ESR1: variants seen among roughly 807,000 people sequenced by gnomAD.
ESR1 encodes estrogen receptor.
In ESR1, 12 loss-of-function variants were observed where a neutral mutation model predicts 52.7. The observed-to-expected ratio is 0.23, with a 90% CI of 0.15 to 0.37. The LOEUF (loss-of-function observed/expected upper bound fraction) is 0.37. Among genes scored for constraint, ESR1 ranks in the 10% least tolerant of loss-of-function variants. ESR1 has a pLI of 1.00. For missense variants in ESR1, 584 were observed against 779.7 expected, an observed-to-expected ratio of 0.75 and a Z score of 2.99; for synonymous variants, 305 against 316.8, an observed-to-expected ratio of 0.96 and a Z score of 0.39.
At chr6:151,752,827 A>G (rs1166937392) in intron 2 of ESR1, among the ~76,000 whole-genome samples, 1 of 152,152 alleles carries the variant, frequency 6.6e-6, no homozygotes, top group Non-Finnish European at 1.5e-5. Flanking sequence ...TCTCTTTTAG[A>G]GGATATTGTA....
At chr6:151,990,640 T>C (rs2040919766) in intron 4 of ESR1, among the ~76,000 whole-genome samples, 1 of 152,168 alleles carries the variant, frequency 6.6e-6, no homozygotes, top group African/African-American at 2.4e-5. Flanking sequence ...GGCTGAGAAA[T>C]GCAGCCTCTG....
intron 3 of ESR1, among the ~76,000 whole-genome samples, chr6:151,908,053 C>G (rs998436855): frequency 2.6e-5 from 4 of 151,900 alleles, no homozygotes; most frequent in Admixed American, 2.6e-4. Flanking sequence ...AATGGTTAGC[C>G]CTGGGTAAGG....
chr6:152,044,880 C>T (rs2128908670), intron 5 of ESR1, among the ~76,000 whole-genome samples: 1 of 152,174 alleles, frequency 6.6e-6, no homozygotes, highest in East Asian at 1.9e-4. Context: ...CACTCAGGAA[C>T]AATACTTTGC....
intron 6 of ESR1, among the ~76,000 whole-genome samples, chr6:152,075,593 A>C (rs1020844409): frequency 6.6e-6 from 1 of 152,228 alleles, no homozygotes; most frequent in Non-Finnish European, 1.5e-5. Context: ...AAAAATAATC[A>C]GAGAGAATTC....
chr6:152,008,173 C>T (rs1308749738), intron 4 of ESR1, among the ~76,000 whole-genome samples: 1 of 152,100 alleles, frequency 6.6e-6, no homozygotes, highest in Non-Finnish European at 1.5e-5. Context: ...GACACTCCAT[C>T]TAATAATCTT....
At chr6:151,680,369 A>G (rs1392396065) in intron 1 of ESR1, among the ~76,000 whole-genome samples, 1 of 151,822 alleles carries the variant, frequency 6.6e-6, no homozygotes, top group Non-Finnish European at 1.5e-5. Flanking sequence ...ACGCCCAGCT[A>G]ATTTTTATAT....
intron 3 of ESR1, among the ~76,000 whole-genome samples, chr6:151,898,326 C>T (rs964148769): frequency 6.6e-6 from 1 of 151,394 alleles, no homozygotes; most frequent in Non-Finnish European, 1.5e-5. Context: ...TCAGGAACAC[C>T]AATTATTCTT....
At chr6:151,826,426 C>T (rs1781516102) in intron 1 of ESR1, among the ~76,000 whole-genome samples, 1 of 152,192 alleles carries the variant, frequency 6.6e-6, no homozygotes, top group South Asian at 2.1e-4. Flanking sequence ...TCTTCCAATG[C>T]AGAGGCTAGA....
intron 2 of ESR1, among the ~76,000 whole-genome samples, chr6:151,729,960 C>T (rs1414756971): frequency 6.6e-6 from 1 of 152,156 alleles, no homozygotes; most frequent in Admixed American, 6.5e-5. Context: ...AGCTTGGGAT[C>T]GTGCCTCCTG....
chr6:151,840,639 G>C (rs1437502910), intron 1 of ESR1, among the ~76,000 whole-genome samples: 1 of 152,196 alleles, frequency 6.6e-6, no homozygotes, highest in Non-Finnish European at 1.5e-5. Context: ...GCTTGTGAAG[G>C]GGAGCGCCAG....
chr6:151,974,353 A>ATT (rs11408121), intron 4 of ESR1, among the ~76,000 whole-genome samples: 2 of 151,872 alleles, frequency 1.3e-5, no homozygotes, highest in Non-Finnish European at 2.9e-5. Flanking sequence ...TATTATCTTC[A>ATT]TTTTTTGCTG....
chr6:151,672,691 T>G (rs1272065677), intron 1 of ESR1, among the ~76,000 whole-genome samples: 2 of 152,098 alleles, frequency 1.3e-5, no homozygotes, highest in African/African-American at 4.8e-5. Flanking sequence ...CATCCTGGTC[T>G]TGAACTCCTG....
chr6:151,892,772 G>A (rs1405475652), intron 3 of ESR1, among the ~76,000 whole-genome samples: 1 of 152,148 alleles, frequency 6.6e-6, no homozygotes, highest in East Asian at 1.9e-4. Context: ...ATGTCTGCTT[G>A]AAAACTTATC....
intron 1 of ESR1, among the ~76,000 whole-genome samples, chr6:151,826,815 T>C (rs1781580932): frequency 6.6e-6 from 1 of 152,242 alleles, no homozygotes; most frequent in Non-Finnish European, 1.5e-5. Context: ...AGTGAACTAT[T>C]GATCTATTTG....
chr6:151,836,536 T>C (rs1455017073), intron 1 of ESR1, among the ~76,000 whole-genome samples: 1 of 152,182 alleles, frequency 6.6e-6, no homozygotes, highest in Non-Finnish European at 1.5e-5. Context: ...GAAGCTACAA[T>C]TCAAGATAAG....
chr6:152,002,436 A>G (rs1392592564), intron 4 of ESR1, among the ~76,000 whole-genome samples: 2 of 152,000 alleles, frequency 1.3e-5, no homozygotes, highest in Non-Finnish European at 2.9e-5. Flanking sequence ...GACTGATGAC[A>G]ATAGTATTTG....
intron 7 of ESR1, among the ~76,000 whole-genome samples, chr6:152,095,744 T>C (rs1340619943): frequency 6.6e-6 from 1 of 152,184 alleles, no homozygotes; most frequent in East Asian, 1.9e-4. Context: ...CCTTAAGACC[T>C]AGTTGGAACT....
intron 2 of ESR1, among the ~76,000 whole-genome samples, chr6:151,796,263 A>T (rs1776703152): frequency 6.6e-6 from 1 of 152,070 alleles, no homozygotes; most frequent in African/African-American, 2.4e-5. Context: ...AATAAAAACA[A>T]AAAAAAACAC....
rs141662120 is a variant in ESR1 at position 152,098,932 on chromosome 6, C to T, written c.1754C>T (p.Thr585Met). 36 of 1,614,034 alleles carry T rather than the reference C, an allele frequency of 2.2e-5. No homozygotes were observed. The highest frequency in any genetic ancestry group is 2.8e-5 in the Non-Finnish European group (33 of 1,180,024). The change falls in exon 8 of 8, where the codon ACG becomes ATG. Residue 585 changes from threonine (T) to methionine (M), a missense_variant. Physicochemically the swap from Thr to Met is moderately conservative, Grantham distance 81. Coordinates refer to ENST00000206249, the MANE Select transcript of ESR1 (RefSeq NM_000125.4). The surrounding 1 kb of genome is among the most constrained non-coding windows in gnomAD (Gnocchi z 5.1). ...SSHSLQKYYI[T>M]GEAEGFPATV ...CATTCCTTGCAAAAGTATTACATCA[C>T]GGGGGAGGCAGAGGGTTTCCCTGCC...
Sources: allele counts gnomAD v4.1 joint callset (sites outside exome capture counted in the v4.1 genomes callset), GRCh38; gene constraint gnomAD v4.1.1; non-coding constraint Gnocchi (gnomAD v3.1); transcripts MANE v1.5; gene names NCBI Gene and HGNC (gene_info 2026-07-23, HGNC 2026-07-21).